COL23A1: variants seen among roughly 807,000 people sequenced by gnomAD.
The protein encoded by COL23A1 is collagen alpha-1(XXIII) chain.
In COL23A1, 97 loss-of-function variants were observed where a neutral mutation model predicts 99.3. The ratio of observed to expected loss-of-function variants is 0.98; its 90% CI spans 0.83 to 1.16. The LOEUF (loss-of-function observed/expected upper bound fraction) is 1.16, where lower values mean the gene tolerates loss of function less well. Ranked by LOEUF, COL23A1 falls within the 50% of genes most tolerant of loss-of-function variation. The pLI is 0.00. For synonymous variants in COL23A1, 320 were observed against 308.2 expected (o/e 1.04, Z -0.40); for missense variants, 762 against 757.4 (o/e 1.01, Z -0.07).
At chr5:178,304,138 G>A (rs773525443) in intron 3 of COL23A1, among the ~76,000 whole-genome samples, 1 of 152,164 alleles carries the variant, frequency 6.6e-6, no homozygotes, top group Non-Finnish European at 1.5e-5. Flanking sequence ...ACTGAAGGCA[G>A]GCAGGATCAC....
At chr5:178,510,655 C>G (rs1412129272) in intron 2 of COL23A1, among the ~76,000 whole-genome samples, 1 of 150,926 alleles carries the variant, frequency 6.6e-6, no homozygotes, top group Non-Finnish European at 1.5e-5. Context: ...TACCCTAAAA[C>G]TTAAAGTACA....
At chr5:178,404,586 A>G (rs2127770526) in intron 2 of COL23A1, among the ~76,000 whole-genome samples, 1 of 68,464 alleles carries the variant, frequency 1.5e-5, no homozygotes, top group South Asian at 7.0e-4. Context: ...CAGCCCCTCC[A>G]TTGGTCCCTG....
chr5:178,256,815 G>A, intron 14 of COL23A1, 51 bp downstream of exon 14: 3 of 1,556,238 alleles, frequency 1.9e-6, no homozygotes, highest in South Asian at 1.1e-5. Flanking sequence ...CCGACTGGGT[G>A]GAGGTCTGAG....
rs535425129 is a variant in COL23A1, at chr5:178,585,364, C to G, written c.294+4540G>C. ...GACGCTCAGGTAACACTCTATGGCC[C>G]CAGCTGACTCTAGGGTAACACTCCG... On this transcript the variant is annotated intron_variant, in intron 1 of 28. Transcript: ENST00000390654. 6.0e-4 allele frequency among the ~76,000 whole-genome samples: 90 copies of G among 151,188 alleles called. 2 individuals are homozygous for G. In the South Asian group the frequency reaches 0.012, roughly 20 times the overall value.
intron 2 of COL23A1, among the ~76,000 whole-genome samples, chr5:178,548,454 G>A (rs1308380353): frequency 6.6e-6 from 1 of 151,940 alleles, no homozygotes; most frequent in Non-Finnish European, 1.5e-5. Context: ...AAAACCGGGA[G>A]TCACCCGATC....
At chr5:178,287,382 G>C (rs1441961066) in intron 5 of COL23A1, among the ~76,000 whole-genome samples, 2 of 152,220 alleles carry the variant, frequency 1.3e-5, no homozygotes. Context: ...AGTCCTGGAG[G>C]GCTGGGTTTG....
rs1296299885 is a variant in COL23A1, at chr5:178,357,738, A to ATGTGTGTG, written c.362-50820_362-50819insCACACACA. ...TGTGTATGTGTGTGTGTGTGTGTGTATGTACGTGTATGTGTGTGTGTACGT... is the reference window on the plus strand; with the variant it reads ...TGTGTATGTGTGTGTGTGTGTGTGTATGTGTGTGTGTACGTGTATGTGTGTGTGTACGT... On this transcript the variant is annotated intron_variant, in intron 2 of 28. Coordinates refer to ENST00000390654, the MANE Select transcript of COL23A1 (RefSeq NM_173465.4). 7.1e-4 allele frequency among the ~76,000 whole-genome samples: 88 copies of ATGTGTGTG among 124,558 alleles called. No individual in the cohort carries two copies. In the South Asian group the frequency reaches 0.025, roughly 35 times the overall value. The allele number at this position is 124,558 out of a possible 152,430, so 81.7% of individuals were successfully genotyped here.
At chr5:178,588,733 CA>C (rs60181394) in intron 1 of COL23A1, among the ~76,000 whole-genome samples, 22,751 of 152,158 alleles carry the variant, frequency 0.15, 3,371 homozygotes, top group African/African-American at 0.39. Context: ...GTGTGGTACG[CA>C]AGTCATCTTC....
intron 5 of COL23A1, among the ~76,000 whole-genome samples, chr5:178,273,168 G>C (rs1225274342): frequency 6.6e-6 from 1 of 152,224 alleles, no homozygotes; most frequent in Non-Finnish European, 1.5e-5. Flanking sequence ...CAGAGCCACA[G>C]GGCTCTGCCT....
chr5:178,355,755 G>A (rs754957300), intron 2 of COL23A1, among the ~76,000 whole-genome samples: 4 of 152,148 alleles, frequency 2.6e-5, no homozygotes, highest in Non-Finnish European at 5.9e-5. Flanking sequence ...CTCCCAAAGT[G>A]CTGGGAATAC....
chr5:178,346,489 G>A (rs1002760449), intron 2 of COL23A1, among the ~76,000 whole-genome samples: 1 of 152,138 alleles, frequency 6.6e-6, no homozygotes, highest in African/African-American at 2.4e-5. Flanking sequence ...ACCCGCCTTG[G>A]TCTCCCAAAG....
chr5:178,274,948 A>C (rs1756502536), intron 5 of COL23A1, among the ~76,000 whole-genome samples: 1 of 151,944 alleles, frequency 6.6e-6, no homozygotes, highest in South Asian at 2.1e-4. Context: ...GCTTTAAATC[A>C]CTCTTTCCCC....
At chr5:178,523,181 C>CATATATATATAT (rs375162340) in intron 2 of COL23A1, among the ~76,000 whole-genome samples, 18 of 90,430 alleles carry the variant, frequency 2.0e-4, no homozygotes, top group Non-Finnish European at 3.7e-4. Context: ...TATATATACA[C>CATATATATATAT]ATATATATAT....
rs61457266 is a variant in COL23A1 at position 178,408,975 on chromosome 5, TACACACACACACACACACAC to T, written c.362-102076_362-102057del. ...TGTCTCAAAAAAAAAAAAAAAAAAA[TACACACACACACACACACAC>T]ACACACACACACACACACACACACA... On this transcript the variant is annotated intron_variant, in intron 2 of 28. Transcript: ENST00000390654. Among the ~76,000 whole-genome samples, 21 of 101,656 alleles carry T rather than the reference TACACACACACACACACACAC, an allele frequency of 2.1e-4. No individual in the cohort carries two copies. The South Asian group carries it at 2.8e-3, about 13-fold the overall frequency. The allele number at this position is 101,656 out of a possible 152,430, so 66.7% of individuals were successfully genotyped here. A position where few individuals can be genotyped will look rare whatever the true frequency, so the allele number is the denominator to read the frequency against.
intron 2 of COL23A1, among the ~76,000 whole-genome samples, chr5:178,474,031 A>T (rs1248306385): frequency 6.6e-6 from 1 of 152,206 alleles, no homozygotes; most frequent in African/African-American, 2.4e-5. Flanking sequence ...AGGAAAGCTG[A>T]CGTCATCAAG....
chr5:178,430,946 T>C (rs7706811), intron 2 of COL23A1, among the ~76,000 whole-genome samples: 96,747 of 151,908 alleles, frequency 0.64, 33,129 homozygotes, highest in African/African-American at 0.91. Flanking sequence ...CGTAAAGACA[T>C]GAGCGGCCTG....
In COL23A1 at chr5:178,309,887, C is replaced by T. The variant is rs1372979319; in HGVS notation, c.362-2968G>A. Among the ~76,000 whole-genome samples the T allele has an allele frequency of 6.6e-6, 1 of 152,132 alleles. No homozygotes were observed. Among genetic ancestry groups the T allele is most frequent in the Non-Finnish European group, 1.5e-5 (1 of 68,020 alleles). ...CTGCATCTCAGGCAGCTCTGTGTCC[C>T]CAACTCCCACTGCAGGACACGACCA... is the stretch of plus-strand genomic sequence containing the variant. On this transcript the variant is annotated intron_variant, in intron 2 of 28. Coordinates refer to ENST00000390654, the MANE Select transcript of COL23A1 (RefSeq NM_173465.4). The surrounding 1 kb of genome is among the most constrained non-coding windows in gnomAD (Gnocchi z 4.7).
chr5:178,465,495 T>A (rs1316272309), intron 2 of COL23A1, among the ~76,000 whole-genome samples: 1 of 152,174 alleles, frequency 6.6e-6, no homozygotes. Context: ...CCCTCTGACA[T>A]GGGCCTCCGA....
chr5:178,244,997 A>ATCCG (rs1190861721), intron 25 of COL23A1, among the ~76,000 whole-genome samples: 1 of 147,020 alleles, frequency 6.8e-6, no homozygotes, highest in Non-Finnish European at 1.5e-5. Flanking sequence ...TCATCCATCC[A>ATCCG]TCCATCCATC....
Sources: allele counts gnomAD v4.1 joint callset (sites outside exome capture counted in the v4.1 genomes callset), GRCh38; gene constraint gnomAD v4.1.1; non-coding constraint Gnocchi (gnomAD v3.1); transcripts MANE v1.5; gene names NCBI Gene and HGNC (gene_info 2026-07-23, HGNC 2026-07-21).